NIM1K: variants seen among roughly 807,000 people sequenced by gnomAD.
The protein encoded by NIM1K is NIM1 serine/threonine protein kinase.
Under a neutral mutation model 37.1 loss-of-function variants are expected in NIM1K, and 35 were observed. That is an observed-to-expected ratio of 0.94 (90% CI 0.72 to 1.25). The LOEUF is 1.25. Among genes scored for constraint, NIM1K ranks in the 50% most tolerant of loss-of-function variants. The pLI, the probability that NIM1K is intolerant of heterozygous loss-of-function variation, is 0.00. For synonymous variants in NIM1K, 234 were observed against 206.6 expected, an observed-to-expected ratio of 1.13 and a Z score of -1.14; for missense variants, 564 against 548.0, an observed-to-expected ratio of 1.03 and a Z score of -0.29.
chr5:43,232,572 ACAAT>A (rs574399468), intron 1 of NIM1K: 18 of 1,578,988 alleles, frequency 1.1e-5, no homozygotes, highest in Non-Finnish European at 1.3e-5. Flanking sequence ...CCATGAAGAC[ACAAT>A]CAGAGTGCTC....
At chr5:43,207,074 G>A (rs760863385) in intron 1 of NIM1K, 40 of 719,618 alleles carry the variant, frequency 5.6e-5, no homozygotes, top group Non-Finnish European at 9.3e-5. Flanking sequence ...ATTACCTATG[G>A]GCGCCTGGTT....
Position 43,256,394 on chromosome 5 carries a change from G to A in NIM1K, c.292+10327G>A, listed in dbSNP as rs1752947363. ...ATTGAAAGTGGAATATTAAAGAGAA[G>A]AGTCAAATACTCAAAAGGTTAGGTA... On this transcript the variant is annotated intron_variant, in intron 2 of 3. Transcript: ENST00000326035. Among the ~76,000 whole-genome samples, 3 of 152,158 alleles carry A rather than the reference G, an allele frequency of 2.0e-5. No homozygotes were observed. In the South Asian group the frequency reaches 6.2e-4, roughly 32 times the overall value.
chr5:43,261,932 T>G (rs1184337264), intron 2 of NIM1K, among the ~76,000 whole-genome samples: 4 of 152,222 alleles, frequency 2.6e-5, no homozygotes, highest in African/African-American at 9.7e-5. Context: ...CGTGTGGTAT[T>G]ATTTCAGAGG....
chr5:43,249,926 C>T (rs1752843096), intron 2 of NIM1K, among the ~76,000 whole-genome samples: 1 of 139,616 alleles, frequency 7.2e-6, no homozygotes, highest in Admixed American at 7.9e-5. Flanking sequence ...GATCTTGGCT[C>T]ACTGCAAGCT....
At chr5:43,253,244 G>C (rs966327548) in intron 2 of NIM1K, among the ~76,000 whole-genome samples, 1 of 147,596 alleles carries the variant, frequency 6.8e-6, no homozygotes, top group Non-Finnish European at 1.5e-5. Flanking sequence ...GTGTGTGTGT[G>C]TGTGTGTGTG....
At chr5:43,233,263 A>G in intron 1 of NIM1K, 1 of 554,420 alleles carries the variant, frequency 1.8e-6, no homozygotes, top group Admixed American at 3.2e-5. Context: ...TTGATATAAG[A>G]GAACCTGCCT....
Position 43,209,987 on chromosome 5 carries a change from C to A in NIM1K, c.-695+17576C>A, listed in dbSNP as rs557928884. On this transcript the variant is annotated intron_variant, in intron 1 of 3. Coordinates refer to ENST00000326035, the MANE Select transcript of NIM1K (RefSeq NM_153361.4). ...GTGGTTACAGACTCTTCCCTGGTGC[C>A]CAGAATCTGAAATGAGTAAGATTGA... Among the ~76,000 whole-genome samples, 455 of 152,210 alleles carry A rather than the reference C, an allele frequency of 3.0e-3. 1 individual carries two copies. Among genetic ancestry groups the A allele is most frequent in the Non-Finnish European group, 3.3e-3 (225 of 68,022 alleles).
At chr5:43,270,085 G>T (rs932347825) in intron 2 of NIM1K, among the ~76,000 whole-genome samples, 4 of 152,172 alleles carry the variant, frequency 2.6e-5, no homozygotes, top group Non-Finnish European at 5.9e-5. Context: ...GTCTGGAAAA[G>T]ACTTTATTTC....
At chr5:43,235,219 A>T (rs1579971450) in intron 1 of NIM1K, among the ~76,000 whole-genome samples, 1 of 152,370 alleles carries the variant, frequency 6.6e-6, no homozygotes, top group East Asian at 1.9e-4. Context: ...TTCAACTTAA[A>T]ATCACAAATC....
At chr5:43,213,792 G>A (rs957309580) in intron 1 of NIM1K, among the ~76,000 whole-genome samples, 1 of 150,006 alleles carries the variant, frequency 6.7e-6, no homozygotes. Flanking sequence ...CACTGCCCCG[G>A]CCAATTTTTG....
chr5:43,215,712 G>A (rs1306883092), intron 1 of NIM1K, among the ~76,000 whole-genome samples: 1 of 152,334 alleles, frequency 6.6e-6, no homozygotes, highest in East Asian at 1.9e-4. Flanking sequence ...GGGATTACAG[G>A]CATGAGCCAC....
chr5:43,213,549 C>T (rs561459508), intron 1 of NIM1K, among the ~76,000 whole-genome samples: 8 of 151,754 alleles, frequency 5.3e-5, no homozygotes, highest in South Asian at 2.1e-4. Flanking sequence ...GCTGGAGTGC[C>T]GTGGCACATT....
At chr5:43,266,096 C>T (rs1374717443) in intron 2 of NIM1K, among the ~76,000 whole-genome samples, 10 of 152,216 alleles carry the variant, frequency 6.6e-5, no homozygotes, top group Admixed American at 6.5e-5. Flanking sequence ...GAAGTCTGTC[C>T]GTTCTCAGAT....
intron 1 of NIM1K, among the ~76,000 whole-genome samples, chr5:43,210,630 T>G (rs753002696): frequency 6.6e-6 from 1 of 152,050 alleles, no homozygotes; most frequent in Non-Finnish European, 1.5e-5. Context: ...GCAGGGGGAA[T>G]GTCATGCATT....
intron 1 of NIM1K, among the ~76,000 whole-genome samples, chr5:43,198,207 CTCTT>C (rs1176718462): frequency 0.011 from 536 of 48,768 alleles, 18 homozygotes; most frequent in Middle Eastern, 0.07. Flanking sequence ...TTCTTTCTTT[CTCTT>C]TCTTTCTTTC....
intron 1 of NIM1K, among the ~76,000 whole-genome samples, chr5:43,213,149 TTTTC>T (rs1344212795): frequency 8.3e-6 from 1 of 120,380 alleles, no homozygotes; most frequent in African/African-American, 3.1e-5. Flanking sequence ...AAAATCTCCA[TTTTC>T]TTTCTTTCTT....
chr5:43,247,254 T>C (rs968712908), intron 2 of NIM1K, among the ~76,000 whole-genome samples: 2 of 152,228 alleles, frequency 1.3e-5, no homozygotes, highest in Non-Finnish European at 2.9e-5. Context: ...ACATCTTGGC[T>C]ACTCTGCTTA....
intron 1 of NIM1K, chr5:43,206,726 C>T (rs1285879953): frequency 2.1e-5 from 15 of 729,028 alleles, no homozygotes; most frequent in Non-Finnish European, 3.6e-5. Flanking sequence ...AGCAGCACAG[C>T]ACACTTGACT....
At chr5:43,204,363 C>T (rs1418655100) in intron 1 of NIM1K, among the ~76,000 whole-genome samples, 3 of 151,006 alleles carry the variant, frequency 2.0e-5, no homozygotes, top group Non-Finnish European at 4.4e-5. Flanking sequence ...GGATTACAGG[C>T]GTGAGCCACC....
Sources: allele counts gnomAD v4.1 joint callset (sites outside exome capture counted in the v4.1 genomes callset), GRCh38; gene constraint gnomAD v4.1.1; transcripts MANE v1.5; gene names NCBI Gene and HGNC (gene_info 2026-07-23, HGNC 2026-07-21).